The following CD96 variants were observed in gnomAD, a reference collection of about 807,000 sequenced individuals.
CD96 encodes CD96 molecule.
CD96 carries 70 observed loss-of-function variants against 71.3 expected under a neutral mutation model. The ratio of observed to expected loss-of-function variants is 0.98; its 90% confidence interval spans 0.81 to 1.20. The LOEUF (loss-of-function observed/expected upper bound fraction) is 1.20, where lower values mean the gene tolerates loss of function less well. Among genes scored for constraint, CD96 ranks in the 50% most tolerant of loss-of-function variants. The pLI is 0.00. For missense variants in CD96, 742 were observed against 677.5 expected (o/e 1.10, Z -1.06); for synonymous variants, 248 against 233.0 (o/e 1.06, Z -0.59).
intron 13 of CD96, 48 bp from the exon 14 acceptor site, chr3:111,649,650 A>G (rs1939989794): frequency 9.2e-7 from 1 of 1,092,206 alleles, no homozygotes; most frequent in Admixed American, 1.7e-5. Flanking sequence ...GTGTGTGCAT[A>G]AGACTCCCTC....
intron 8 of CD96, among the ~76,000 whole-genome samples, chr3:111,617,426 A>G (rs965283050): frequency 6.6e-6 from 1 of 152,172 alleles, no homozygotes; most frequent in Non-Finnish European, 1.5e-5. Context: ...ACCAATCACC[A>G]TGCACTTTCT....
intron 2 of CD96, among the ~76,000 whole-genome samples, chr3:111,564,644 C>A (rs1559723111): frequency 6.6e-6 from 1 of 152,032 alleles, no homozygotes; most frequent in Admixed American, 6.6e-5. Context: ...GTTGTCGTGT[C>A]TTGATAATAT....
chr3:111,570,651 C>A (rs987394204), intron 3 of CD96: 1 of 1,607,682 alleles, frequency 6.2e-7, no homozygotes, highest in South Asian at 1.1e-5. Flanking sequence ...GTACATGGCC[C>A]GGGACATGAC....
chr3:111,608,685 C>T (rs1054921564), intron 8 of CD96, among the ~76,000 whole-genome samples: 20 of 152,142 alleles, frequency 1.3e-4, no homozygotes, highest in Admixed American at 8.5e-4. Flanking sequence ...CTAAACATAT[C>T]GTGAGAACAG....
chr3:111,546,919 T>TACACACACAC (rs60838213), intron 2 of CD96, among the ~76,000 whole-genome samples: 2,389 of 138,162 alleles, frequency 0.017, 97 homozygotes, highest in African/African-American at 0.053. Context: ...CACAGACACA[T>TACACACACAC]ACACACACAC....
At chr3:111,562,181 C>T (rs1346006750) in intron 2 of CD96, among the ~76,000 whole-genome samples, 1 of 152,196 alleles carries the variant, frequency 6.6e-6, no homozygotes, top group Non-Finnish European at 1.5e-5. Context: ...GCGTCGCTCA[C>T]GTTGGGAGCT....
intron 12 of CD96, among the ~76,000 whole-genome samples, chr3:111,643,754 G>GAAAAAAAAA (rs1576428586): frequency 8.9e-6 from 1 of 112,936 alleles, no homozygotes. Context: ...AAAAAAAAAT[G>GAAAAAAAAA]AAATACTTAG....
intron 5 of CD96, among the ~76,000 whole-genome samples, chr3:111,585,739 G>A (rs544944913): frequency 6.6e-5 from 10 of 152,240 alleles, no homozygotes; most frequent in Admixed American, 1.3e-4. Context: ...CTCAGCTGAC[G>A]TTTAATTTGT....
chr3:111,621,047 C>T (rs1470939593), intron 8 of CD96, among the ~76,000 whole-genome samples: 1 of 152,210 alleles, frequency 6.6e-6, no homozygotes, highest in Non-Finnish European at 1.5e-5. Context: ...AATTAAATCA[C>T]ATGTCCTGGT....
rs1559780832 is a variant in CD96 at position 111,651,038 on chromosome 3, G to C, written c.*1232G>C. On this transcript the variant is annotated 3_prime_UTR_variant, in exon 14 of 14. Coordinates refer to ENST00000352690, the MANE Select transcript of CD96 (RefSeq NM_005816.5). Reference sequence around the variant, plus strand: ...AGAATGCCTTGTGCAGAGTTATTTGGAGATTATGTCTTTTTCTTAAACACC... The same window carrying C: ...AGAATGCCTTGTGCAGAGTTATTTGCAGATTATGTCTTTTTCTTAAACACC... 6.6e-6 allele frequency: 1 copy of C among 152,240 alleles called. No homozygotes were observed. 9.4% of individuals were successfully genotyped at this position (152,240 alleles called of 1,614,324 possible). A position where few individuals can be genotyped will look rare whatever the true frequency, so the allele number is the denominator to read the frequency against.
At chr3:111,623,253 G>A (rs900581336) in intron 8 of CD96, among the ~76,000 whole-genome samples, 1 of 152,056 alleles carries the variant, frequency 6.6e-6, no homozygotes. Context: ...TCATTTTGGG[G>A]GAGTGAGGGG....
intron 5 of CD96, 103 bp downstream of exon 5, chr3:111,585,481 C>A: frequency 1.3e-6 from 1 of 762,966 alleles, no homozygotes; most frequent in Non-Finnish European, 2.4e-6. Flanking sequence ...TACTCCTTGG[C>A]CCTTGACCAA....
At chr3:111,610,378 G>A (rs957990174) in intron 8 of CD96, among the ~76,000 whole-genome samples, 5 of 152,208 alleles carry the variant, frequency 3.3e-5, no homozygotes, top group African/African-American at 1.2e-4. Flanking sequence ...GTGAGATGAA[G>A]TATGTCACGG....
At chr3:111,634,210 T>A (rs1939213873) in intron 10 of CD96, 1 of 152,200 alleles carries the variant, frequency 6.6e-6, no homozygotes, top group South Asian at 2.1e-4. Context: ...GGAAAAATAT[T>A]TTATTATTGA....
At chr3:111,607,856 T>C (rs2107668678) in intron 8 of CD96, among the ~76,000 whole-genome samples, 1 of 152,364 alleles carries the variant, frequency 6.6e-6, no homozygotes, top group East Asian at 1.9e-4. Flanking sequence ...AGCCTCTTTT[T>C]CTTCTACTTT....
At chr3:111,640,727 G>A (rs1323331561) in intron 12 of CD96, among the ~76,000 whole-genome samples, 1 of 152,198 alleles carries the variant, frequency 6.6e-6, no homozygotes. Flanking sequence ...AATCTTAAGA[G>A]CTGTGAGACA....
chr3:111,618,202 C>A (rs1484874090), intron 8 of CD96, among the ~76,000 whole-genome samples: 2 of 152,182 alleles, frequency 1.3e-5, no homozygotes, highest in Non-Finnish European at 2.9e-5. Flanking sequence ...GTAGCACAGA[C>A]CAAGCACAGC....
chr3:111,543,256 T>G (rs964498522), intron 1 of CD96, among the ~76,000 whole-genome samples: 17 of 152,210 alleles, frequency 1.1e-4, no homozygotes, highest in Non-Finnish European at 2.2e-4. Context: ...CAATAATATA[T>G]ATCATTTCTG....
chr3:111,579,575 G>T (rs1160304851), intron 4 of CD96: 3 of 342,802 alleles, frequency 8.8e-6, no homozygotes, highest in South Asian at 2.5e-5. Context: ...AGGTCGAGGG[G>T]ACGCATCTGG....
Sources: gnomAD v4.1 joint callset for allele counts (sites outside exome capture counted in the v4.1 genomes callset) on GRCh38, gnomAD v4.1.1 for gene constraint, MANE v1.5 for transcripts, NCBI Gene and HGNC (gene_info 2026-07-23, HGNC 2026-07-21) for gene names.